The following RALB variants were observed in gnomAD, a reference collection of about 807,000 sequenced individuals.
RALB encodes the protein ras-related protein Ral-B.
RALB carries 16 observed loss-of-function variants against 21.3 expected under a neutral mutation model. That is an observed-to-expected ratio of 0.75 (90% CI 0.51 to 1.14). The LOEUF (loss-of-function observed/expected upper bound fraction) is 1.14. Ranked by LOEUF, RALB falls within the 50% of genes most tolerant of loss-of-function variation. RALB has a pLI of 0.00. For synonymous variants in RALB, 93 were observed against 96.1 expected (o/e 0.97, Z 0.19); for missense variants, 161 against 256.2 (o/e 0.63, Z 2.54).
Position 120,252,998 on chromosome 2 carries a change from G to A in RALB, c.-48+18G>A, listed in dbSNP as rs1240751699. ...GGTCCCTGGTAAGGGCGCGGCGCCC[G>A]CGGGCCCCGGGCGGGGTGGGGCGCG... On this transcript the variant is annotated intron_variant, in intron 1 of 4. Coordinates refer to ENST00000272519, the MANE Select transcript of RALB (RefSeq NM_002881.3). 20 of 984,278 alleles carry A rather than the reference G, an allele frequency of 2.0e-5. No homozygotes were observed. The highest frequency in any genetic ancestry group is 2.3e-5 in the Non-Finnish European group (19 of 829,368). 61.0% of individuals were successfully genotyped at this position (984,278 alleles called of 1,614,324 possible). A position where few individuals can be genotyped will look rare whatever the true frequency, so the allele number is the denominator to read the frequency against.
At chr2:120,240,175 C>A in intron 1 of RALB, 1 of 1,288,432 alleles carries the variant, frequency 7.8e-7, no homozygotes. Context: ...CCACAGTGAC[C>A]TTGTGACTTG....
At chr2:120,248,561 A>AGTCCTCT (rs11281145), upstream of RALB, among the ~76,000 whole-genome samples, 1 of 151,298 alleles carries the variant, frequency 6.6e-6, no homozygotes, top group Non-Finnish European at 1.5e-5. Context: ...TACCCTGTCT[A>AGTCCTCT]GGACCCCACT....
intron 2 of RALB, among the ~76,000 whole-genome samples, chr2:120,283,487 A>C (rs1184338878): frequency 6.6e-6 from 1 of 152,190 alleles, no homozygotes. Flanking sequence ...ATTTTCATGA[A>C]GATTAGATTA....
intron 2 of RALB, among the ~76,000 whole-genome samples, chr2:120,279,043 T>G (rs1431303088): frequency 6.6e-6 from 1 of 152,202 alleles, no homozygotes; most frequent in Non-Finnish European, 1.5e-5. Context: ...GCTTTCTTTC[T>G]GACAAAAGCC....
intron 3 of RALB, among the ~76,000 whole-genome samples, chr2:120,289,205 T>A (rs1186532635): frequency 6.6e-6 from 1 of 151,972 alleles, no homozygotes; most frequent in Admixed American, 6.6e-5. Context: ...TTCCCTTAGC[T>A]TGTTTTTATT....
intron 1 of RALB, chr2:120,253,477 A>G (rs1264896716): frequency 1.0e-6 from 1 of 985,824 alleles, no homozygotes; most frequent in Non-Finnish European, 1.2e-6. Context: ...GCAAATGAGC[A>G]TAAAGTTGTT....
intron 2 of RALB, among the ~76,000 whole-genome samples, chr2:120,284,141 A>G (rs1690063202): frequency 6.6e-6 from 1 of 152,158 alleles, no homozygotes; most frequent in Admixed American, 6.5e-5. Flanking sequence ...GACACTTGAA[A>G]GCACAGGCAA....
At chr2:120,245,620 G>A (rs576725807) in intron 1 of RALB, among the ~76,000 whole-genome samples, 5 of 152,268 alleles carry the variant, frequency 3.3e-5, no homozygotes, top group East Asian at 1.9e-4. Context: ...GCCTTGCTCC[G>A]GGGTGTGTAC....
intron 1 of RALB, among the ~76,000 whole-genome samples, chr2:120,267,992 A>T (rs1228881460): frequency 6.6e-6 from 1 of 152,126 alleles, no homozygotes; most frequent in Non-Finnish European, 1.5e-5. Context: ...GGGTTTCACC[A>T]TGTGGGCCGG....
Position 120,293,601 on chromosome 2 carries a change from A to G in RALB, c.*341A>G, listed in dbSNP as rs1185672924. ...AGCATCTTATTTTGTTCCTAGTTTTATAACATTACCATCCTTCGTTTTGAA... is the reference window on the plus strand; with the variant it reads ...AGCATCTTATTTTGTTCCTAGTTTTGTAACATTACCATCCTTCGTTTTGAA... On this transcript the variant is annotated 3_prime_UTR_variant, in exon 5 of 5. Transcript: ENST00000272519. The G allele has an allele frequency of 5.9e-6, 1 of 169,604 alleles. No homozygotes were observed. The highest frequency in any genetic ancestry group is 1.2e-5 in the Non-Finnish European group (1 of 80,074). The allele number at this position is 169,604 out of a possible 1,614,324, so 10.5% of individuals were successfully genotyped here.
intron 1 of RALB, among the ~76,000 whole-genome samples, chr2:120,267,661 G>A (rs955076822): frequency 1.3e-5 from 2 of 152,188 alleles, no homozygotes; most frequent in Non-Finnish European, 2.9e-5. Context: ...TTCCAGAAGC[G>A]GCAGCTGCTC....
intron 1 of RALB, among the ~76,000 whole-genome samples, chr2:120,245,216 T>A (rs1688951794): frequency 1.3e-5 from 2 of 152,190 alleles, no homozygotes; most frequent in Admixed American, 1.3e-4. Context: ...CTTTGCAGCA[T>A]GGGTGGGAAG....
chr2:120,288,344 TTTTTTTTTTG>T (rs917555916), intron 3 of RALB, among the ~76,000 whole-genome samples: 3 of 139,562 alleles, frequency 2.1e-5, no homozygotes, highest in South Asian at 2.3e-4. Flanking sequence ...AAATTTTAGT[TTTTTTTTTTG>T]TTTTTTTTTT....
intron 4 of RALB, among the ~76,000 whole-genome samples, chr2:120,290,434 C>T (rs554173488): frequency 2.6e-5 from 4 of 152,270 alleles, no homozygotes; most frequent in South Asian, 4.2e-4. Flanking sequence ...GCAGGGTGGG[C>T]GGGCCTGGCT....
chr2:120,271,213 C>T (rs1689657910), intron 1 of RALB, among the ~76,000 whole-genome samples: 1 of 152,186 alleles, frequency 6.6e-6, no homozygotes, highest in African/African-American at 2.4e-5. Flanking sequence ...CCACCTCTTC[C>T]TCCTAACATG....
At chr2:120,264,530 G>A (rs1251886791) in intron 1 of RALB, among the ~76,000 whole-genome samples, 1 of 127,862 alleles carries the variant, frequency 7.8e-6, no homozygotes. Flanking sequence ...CAGAATTCAA[G>A]TCAAGGGTTT....
intron 4 of RALB, among the ~76,000 whole-genome samples, chr2:120,291,170 TTGTA>T (rs1024893340): frequency 6.6e-6 from 1 of 152,224 alleles, no homozygotes; most frequent in African/African-American, 2.4e-5. Flanking sequence ...ATACATCTAT[TTGTA>T]TGTATCGTAC....
chr2:120,253,007 G>T, intron 1 of RALB, 27 bp downstream of exon 1: 1 of 983,030 alleles, frequency 1.0e-6, no homozygotes, highest in Non-Finnish European at 1.2e-6. Flanking sequence ...CGCGGGCCCC[G>T]GGCGGGGTGG....
intron 1 of RALB, among the ~76,000 whole-genome samples, chr2:120,261,883 AG>A (rs1689375373): frequency 1.3e-5 from 2 of 152,148 alleles, no homozygotes; most frequent in African/African-American, 4.8e-5. Context: ...AGAAGGATGG[AG>A]GCTGAGGCTA....
Sources: allele counts gnomAD v4.1 joint callset (sites outside exome capture counted in the v4.1 genomes callset), GRCh38; gene constraint gnomAD v4.1.1; transcripts MANE v1.5; gene names NCBI Gene and HGNC (gene_info 2026-07-23, HGNC 2026-07-21).